Variants in DACH1 observed in about 807,000 individuals in gnomAD.
DACH1 encodes dachshund homolog 1.
A neutral mutation model predicts 54.2 loss-of-function variants in DACH1; 12 were observed. The ratio of observed to expected loss-of-function variants is 0.22; its 90% CI spans 0.14 to 0.36. The LOEUF (loss-of-function observed/expected upper bound fraction) is 0.36, where lower values mean the gene tolerates loss of function less well. Among genes scored for constraint, DACH1 ranks in the 10% least tolerant of loss-of-function variants. The pLI is 1.00. For synonymous variants in DACH1, 386 were observed against 366.2 expected, an observed-to-expected ratio of 1.05 and a Z score of -0.62; for missense variants, 805 against 929.8, an observed-to-expected ratio of 0.87 and a Z score of 1.75.
intron 2 of DACH1, among the ~76,000 whole-genome samples, chr13:71,633,871 C>T (rs1230564098): frequency 1.3e-5 from 2 of 152,100 alleles, no homozygotes; most frequent in Admixed American, 1.3e-4. Flanking sequence ...TTCTTAGAGT[C>T]CTGCTCAATA....
chr13:71,807,249 T>C (rs183265778), intron 1 of DACH1, among the ~76,000 whole-genome samples: 17 of 152,314 alleles, frequency 1.1e-4, no homozygotes, highest in Non-Finnish European at 2.2e-4. Context: ...GGCATGTTTA[T>C]ATCCAACACA....
At chr13:71,600,409 T>C (rs905437401) in intron 3 of DACH1, among the ~76,000 whole-genome samples, 1 of 152,070 alleles carries the variant, frequency 6.6e-6, no homozygotes, top group South Asian at 2.1e-4. Flanking sequence ...TCCTGAGATA[T>C]AGGTGGATAT....
intron 3 of DACH1, among the ~76,000 whole-genome samples, chr13:71,578,535 C>T (rs1885677285): frequency 6.6e-6 from 1 of 152,096 alleles, no homozygotes; most frequent in African/African-American, 2.4e-5. Context: ...GTTGCGGAAA[C>T]AGTCCTTTCA....
At chr13:71,729,334 G>T (rs1883632908) in intron 1 of DACH1, among the ~76,000 whole-genome samples, 1 of 151,896 alleles carries the variant, frequency 6.6e-6, no homozygotes, top group African/African-American at 2.4e-5. Context: ...ACATATGAGA[G>T]AACATTCTGA....
intron 2 of DACH1, among the ~76,000 whole-genome samples, chr13:71,668,190 G>A (rs1879972917): frequency 6.6e-6 from 1 of 151,866 alleles, no homozygotes; most frequent in Non-Finnish European, 1.5e-5. Context: ...CATTTTACAT[G>A]TTTAAAGATA....
intron 3 of DACH1, among the ~76,000 whole-genome samples, chr13:71,586,034 T>C (rs1289741360): frequency 6.6e-6 from 1 of 152,224 alleles, no homozygotes; most frequent in Non-Finnish European, 1.5e-5. Flanking sequence ...CTGCATACTC[T>C]ACTCCATATC....
chr13:71,479,431 G>T (rs368317725), intron 7 of DACH1, 115 bp from the exon 8 acceptor site: 35 of 978,006 alleles, frequency 3.6e-5, no homozygotes, highest in Middle Eastern at 2.2e-4. Context: ...TAATTCTTTC[G>T]CATTCACTCT....
chr13:71,441,602 T>C (rs1335187494), intron 10 of DACH1, among the ~76,000 whole-genome samples: 1 of 152,020 alleles, frequency 6.6e-6, no homozygotes, highest in African/African-American at 2.4e-5. Context: ...AAAGTACATA[T>C]TGCCATGTAA....
chr13:71,593,752 TC>T (rs1482510982), intron 3 of DACH1, among the ~76,000 whole-genome samples: 2 of 152,010 alleles, frequency 1.3e-5, no homozygotes, highest in Non-Finnish European at 2.9e-5. Flanking sequence ...AATGGAACAT[TC>T]CCATTTTTCA....
chr13:71,618,452 A>G (rs1170572909), intron 3 of DACH1, among the ~76,000 whole-genome samples: 1 of 152,104 alleles, frequency 6.6e-6, no homozygotes, highest in African/African-American at 2.4e-5. Context: ...ATTAGAAGTT[A>G]AAGTCTTTCA....
At chr13:71,605,117 T>A (rs546373767) in intron 3 of DACH1, among the ~76,000 whole-genome samples, 6 of 151,930 alleles carry the variant, frequency 3.9e-5, no homozygotes, top group Non-Finnish European at 5.9e-5. Flanking sequence ...TAAAGCTTGA[T>A]TAGATAAAAC....
chr13:71,648,803 A>G (rs920768459), intron 2 of DACH1, among the ~76,000 whole-genome samples: 3 of 152,194 alleles, frequency 2.0e-5, no homozygotes, highest in Non-Finnish European at 2.9e-5. Flanking sequence ...GAGGTGTTCA[A>G]TGATGACAGT....
At chr13:71,531,379 A>AAAT (rs1434270161) in intron 6 of DACH1, among the ~76,000 whole-genome samples, 1 of 54,886 alleles carries the variant, frequency 1.8e-5, no homozygotes, top group Non-Finnish European at 9.0e-5. Flanking sequence ...ATAACTTTAT[A>AAAT]AATAAAGAAG....
chr13:71,643,139 C>A (rs1566401106), intron 2 of DACH1, among the ~76,000 whole-genome samples: 1 of 152,088 alleles, frequency 6.6e-6, no homozygotes, highest in Non-Finnish European at 1.5e-5. Context: ...CACAGTGGCA[C>A]ATAATGTGAT....
At chr13:71,487,241 T>C (rs1878611419) in intron 7 of DACH1, among the ~76,000 whole-genome samples, 1 of 152,162 alleles carries the variant, frequency 6.6e-6, no homozygotes, top group African/African-American at 2.4e-5. Flanking sequence ...AAATAAATTA[T>C]TTAGCTTGTC....
At chr13:71,717,727 T>C (rs1883043049) in intron 1 of DACH1, among the ~76,000 whole-genome samples, 1 of 152,108 alleles carries the variant, frequency 6.6e-6, no homozygotes, top group Non-Finnish European at 1.5e-5. Context: ...TACTTAGGAA[T>C]ATAATGATAG....
At chr13:71,600,800 T>C (rs1481026197) in intron 3 of DACH1, among the ~76,000 whole-genome samples, 1 of 152,088 alleles carries the variant, frequency 6.6e-6, no homozygotes, top group Non-Finnish European at 1.5e-5. Context: ...GAGGACTCAA[T>C]CATCAAAAGG....
rs148943127 is a variant in DACH1 at position 71,757,048 on chromosome 13, T to C, written c.849-75138A>G. Among the ~76,000 whole-genome samples the C allele has an allele frequency of 2.1e-4, 32 of 152,308 alleles. No individual in the cohort carries two copies. In the East Asian group the frequency reaches 3.5e-3, roughly 17 times the overall value. ...CAATGCATAAAACATGAGAAATATG[T>C]ATTAAAAGTCCTAATAAAAATGTAA... On this transcript the variant is annotated intron_variant, in intron 1 of 10. Coordinates refer to ENST00000613252, the MANE Select transcript of DACH1 (RefSeq NM_080759.6).
At chr13:71,793,297 C>T (rs765246176) in intron 1 of DACH1, among the ~76,000 whole-genome samples, 85 of 152,012 alleles carry the variant, frequency 5.6e-4, no homozygotes, top group Admixed American at 7.2e-4. Flanking sequence ...TATTTTCAGT[C>T]GAAAGCTGCT....
Sources: gnomAD v4.1 joint callset for allele counts (sites outside exome capture counted in the v4.1 genomes callset) on GRCh38, gnomAD v4.1.1 for gene constraint, MANE v1.5 for transcripts, NCBI Gene and HGNC (gene_info 2026-07-23, HGNC 2026-07-21) for gene names.